VPS8: variants seen among roughly 807,000 people sequenced by gnomAD.
The protein encoded by VPS8 is VPS8 subunit of CORVET complex, also known as vacuolar protein sorting-associated protein 8 homolog.
Under a neutral mutation model 216.4 loss-of-function variants are expected in VPS8, and 129 were observed. The observed-to-expected ratio is 0.60, with a 90% CI of 0.52 to 0.69. The LOEUF is 0.69. Ranked by LOEUF, VPS8 falls within the 30% of genes least tolerant of loss-of-function variation. The pLI, the probability that VPS8 is intolerant of heterozygous loss-of-function variation, is 0.00. For synonymous variants in VPS8, 571 were observed against 565.4 expected (o/e 1.01, Z -0.14); for missense variants, 1,531 against 1,683.5 (o/e 0.91, Z 1.59).
chr3:184,862,330 A>G (rs1726535570), intron 15 of VPS8, among the ~76,000 whole-genome samples: 1 of 152,202 alleles, frequency 6.6e-6, no homozygotes, highest in African/African-American at 2.4e-5. Context: ...TAAAGTTATT[A>G]TTGTTAATAC....
chr3:184,857,115 T>G (rs1271630413), intron 14 of VPS8, among the ~76,000 whole-genome samples: 1 of 152,250 alleles, frequency 6.6e-6, no homozygotes, highest in African/African-American at 2.4e-5. Flanking sequence ...ACTGTTATAT[T>G]TCCAGCCACT....
intron 23 of VPS8, among the ~76,000 whole-genome samples, chr3:184,897,674 G>A (rs1733760284): frequency 6.6e-6 from 1 of 152,064 alleles, no homozygotes; most frequent in Non-Finnish European, 1.5e-5. Flanking sequence ...TTTCTAGAAA[G>A]ACTCTCCCAG....
At chr3:184,990,001 A>G (rs1332537614) in intron 42 of VPS8, among the ~76,000 whole-genome samples, 2 of 152,104 alleles carry the variant, frequency 1.3e-5, no homozygotes, top group African/African-American at 4.8e-5. Context: ...TGAACCTGGG[A>G]GGCAGAGCTT....
In VPS8 at chr3:184,874,714, C is replaced by T. The variant is rs141116528; in HGVS notation, c.1734+3909C>T. Among the ~76,000 whole-genome samples, 7 of 152,228 alleles carry T rather than the reference C, an allele frequency of 4.6e-5. No homozygotes were observed. In the East Asian group the frequency reaches 1.4e-3, roughly 29 times the overall value. ...ACTGGGCTGCCTGTTTGAAATAAAA[C>T]TGCTAAGGCATTTTGTAGGCTGTTG... On this transcript the variant is annotated intron_variant, in intron 21 of 47. Coordinates refer to ENST00000625842, the MANE Select transcript of VPS8 (RefSeq NM_001009921.3).
chr3:185,046,312 G>A (rs1712896053), intron 46 of VPS8, among the ~76,000 whole-genome samples: 1 of 152,238 alleles, frequency 6.6e-6, no homozygotes, highest in Non-Finnish European at 1.5e-5. Flanking sequence ...GGGCTGCCAT[G>A]TATCTTTGTG....
chr3:185,031,077 T>TTTTTTTG (rs1561199722), intron 46 of VPS8, among the ~76,000 whole-genome samples: 1 of 147,902 alleles, frequency 6.8e-6, no homozygotes, highest in African/African-American at 2.5e-5. Context: ...TTTTTTTTTT[T>TTTTTTTG]TTTTTTTTTT....
intron 35 of VPS8, among the ~76,000 whole-genome samples, chr3:184,939,688 A>T (rs951435398): frequency 6.6e-6 from 1 of 152,244 alleles, no homozygotes; most frequent in Admixed American, 6.5e-5. Context: ...AACATGTTGC[A>T]GTTTGATTGG....
At chr3:185,009,078 A>G (rs1489645565) in intron 45 of VPS8, among the ~76,000 whole-genome samples, 4 of 152,188 alleles carry the variant, frequency 2.6e-5, no homozygotes, top group Non-Finnish European at 4.4e-5. Context: ...GTTCTCACTT[A>G]TTTTCCAGAG....
In VPS8 at chr3:184,914,997, C is replaced by A; in HGVS notation, c.2206C>A (p.Arg736Ser). The change falls in exon 27 of 48, where the codon CGT becomes AGT. Residue 736 changes from arginine (R) to serine (S), a missense_variant. Coordinates refer to ENST00000625842, the MANE Select transcript of VPS8 (RefSeq NM_001009921.3). ...LVYISCCLAGRAYPLGDIPED... is the reference protein window; with the variant it reads ...LVYISCCLAGSAYPLGDIPED... ...TTCTTCTAGCTGTTGTCTAGCAGGT[C>A]GTGCCTATCCCCTTGGTGACATCCC... 1.9e-6 allele frequency: 3 copies of A among 1,613,952 alleles called. No homozygotes were observed. The highest frequency in any genetic ancestry group is 1.7e-5 in the Admixed American group (1 of 60,022).
At chr3:184,892,969 C>T (rs1732654287) in intron 22 of VPS8, among the ~76,000 whole-genome samples, 6 of 152,114 alleles carry the variant, frequency 3.9e-5, no homozygotes, top group Admixed American at 3.9e-4. Context: ...AGTAAAACTC[C>T]ATTAATCTCT....
chr3:184,864,403 G>GTC (rs1726956019), intron 16 of VPS8, among the ~76,000 whole-genome samples: 1 of 152,192 alleles, frequency 6.6e-6, no homozygotes. Context: ...GCAAGAGAGA[G>GTC]TACTGGAGAA....
At chr3:184,945,776 A>C (rs1743578575) in intron 36 of VPS8, among the ~76,000 whole-genome samples, 1 of 152,192 alleles carries the variant, frequency 6.6e-6, no homozygotes, top group South Asian at 2.1e-4. Flanking sequence ...ACACAGAGCT[A>C]GCCACATGGG....
chr3:184,860,198 A>G, intron 15 of VPS8, 133 bp downstream of exon 15: 1 of 795,368 alleles, frequency 1.3e-6, no homozygotes, highest in South Asian at 2.1e-5. Context: ...ACAGTCCGGC[A>G]CCGAGGCTCG....
intron 40 of VPS8, among the ~76,000 whole-genome samples, 151 bp downstream of exon 40, chr3:184,971,903 C>T (rs1401402211): frequency 6.6e-6 from 1 of 152,128 alleles, no homozygotes; most frequent in Admixed American, 6.6e-5. Context: ...GGAGAAATCC[C>T]ATCTTTACTA....
chr3:184,861,382 T>G (rs552635471), intron 15 of VPS8, among the ~76,000 whole-genome samples: 1 of 152,354 alleles, frequency 6.6e-6, no homozygotes, highest in African/African-American at 2.4e-5. Context: ...AACTGTAATT[T>G]TTTAGGATAT....
chr3:184,959,072 C>CAA (rs1746075235), intron 37 of VPS8, among the ~76,000 whole-genome samples: 1 of 152,090 alleles, frequency 6.6e-6, no homozygotes, highest in Non-Finnish European at 1.5e-5. Flanking sequence ...CATGGGCTTG[C>CAA]CATCATCAGA....
intron 21 of VPS8, among the ~76,000 whole-genome samples, chr3:184,871,013 G>A (rs1239545266): frequency 6.6e-6 from 1 of 152,008 alleles, no homozygotes; most frequent in African/African-American, 2.4e-5. Context: ...GTTACTTAGC[G>A]CTTAGCTGCT....
At chr3:184,836,368 A>G (rs528100485) in intron 5 of VPS8, 1 of 455,622 alleles carries the variant, frequency 2.2e-6, no homozygotes, top group East Asian at 6.9e-5. Flanking sequence ...AATCAAGATG[A>G]ACCAGAACAG....
intron 44 of VPS8, 111 bp from the exon 45 acceptor site, chr3:184,999,585 A>G (rs1577108180): frequency 7.9e-7 from 1 of 1,264,602 alleles, no homozygotes; most frequent in Non-Finnish European, 1.1e-6. Context: ...TACAGCCATC[A>G]GTGCATTTCT....
Sources: gnomAD v4.1 joint callset for allele counts (sites outside exome capture counted in the v4.1 genomes callset) on GRCh38, gnomAD v4.1.1 for gene constraint, MANE v1.5 for transcripts, NCBI Gene and HGNC (gene_info 2026-07-23, HGNC 2026-07-21) for gene names.